Variants in CNOT11 observed in about 807,000 individuals in gnomAD.
CNOT11 encodes the protein UPF0760 protein C2orf29.
In CNOT11, 18 loss-of-function variants were observed where a neutral mutation model predicts 44.6. That is an observed-to-expected ratio of 0.40 (90% CI 0.28 to 0.60). The LOEUF is 0.60. Ranked by LOEUF, CNOT11 falls within the 20% of genes least tolerant of loss-of-function variation. CNOT11 has a pLI of 0.38. For missense variants in CNOT11, 513 were observed against 677.0 expected (o/e 0.76, Z 2.69); for synonymous variants, 291 against 270.9 (o/e 1.07, Z -0.73).
Position 101,269,655 on chromosome 2 carries a change from C to A in CNOT11, c.*242C>A, listed in dbSNP as rs1234361075. 2 of 347,200 alleles carry A rather than the reference C, an allele frequency of 5.8e-6. No homozygotes were observed. The highest frequency in any genetic ancestry group is 1.0e-5 in the Non-Finnish European group (2 of 194,824). The allele number at this position is 347,200 out of a possible 1,614,324, so 21.5% of individuals were successfully genotyped here. A position where few individuals can be genotyped will look rare whatever the true frequency, so the allele number is the denominator to read the frequency against. On this transcript the variant is annotated 3_prime_UTR_variant, in exon 7 of 7. Transcript: ENST00000289382. The surrounding 1 kb of genome is among the most constrained non-coding windows in gnomAD (Gnocchi z 4.8). ...CTATCCATAGGAGGAATGGCTATCC[C>A]AAAAAAAGTTCCGCAAAAAAGTAGA...
chr2:101,257,954 C>T lies in CNOT11; in HGVS notation c.678C>T (p.Ala226=), dbSNP rs754127343. 28 of 1,610,640 alleles carry T rather than the reference C, an allele frequency of 1.7e-5. No individual in the cohort carries two copies. Among genetic ancestry groups the T allele is most frequent in the South Asian group, 2.2e-5 (2 of 90,364 alleles). The change falls in exon 2 of 7, where the codon GCC becomes GCT. Residue 226 remains alanine (A), a splice_region_variant and synonymous_variant. Coordinates refer to ENST00000289382, the MANE Select transcript of CNOT11 (RefSeq NM_017546.5). ...VDISGLQLAL[A]ERQSELPTQS... is the part of the protein sequence containing the mutation. ...TTAGTGGGCTTCAGTTAGCCTTGGC[C>T]GGTAAGGAGGAATCAGTGTTTTGGG...
intron 3 of CNOT11, among the ~76,000 whole-genome samples, chr2:101,263,066 A>T (rs1030049237): frequency 6.6e-6 from 1 of 152,084 alleles, no homozygotes; most frequent in Non-Finnish European, 1.5e-5. Flanking sequence ...TACTAAAAAT[A>T]AAAAATTAGC....
intron 5 of CNOT11, among the ~76,000 whole-genome samples, chr2:101,267,458 T>C (rs150183391): frequency 2.4e-3 from 358 of 151,986 alleles, no homozygotes; most frequent in African/African-American, 8.3e-3. Context: ...TAGTCCTGTC[T>C]TCTTTATCCC....
At chr2:101,255,059 A>G (rs1681708368) in intron 1 of CNOT11, among the ~76,000 whole-genome samples, 2 of 152,206 alleles carry the variant, frequency 1.3e-5, no homozygotes, top group South Asian at 2.1e-4. Context: ...ATACACACAG[A>G]TTTGCCATAG....
At position 101,262,560 on chromosome 2, in the gene CNOT11, C is replaced by T. The variant is rs753989748; in HGVS notation, c.701C>T (p.Thr234Met). The T allele has an allele frequency of 6.8e-6, 11 of 1,614,028 alleles. No individual in the cohort carries two copies. The highest frequency in any genetic ancestry group is 2.2e-5 in the South Asian group (2 of 91,078). ...ALAERQSELP[T>M]QSKASFPSIL... ...CCAGAACGCCAATCTGAATTGCCAACGCAAAGCAAAGCGAGCTTCCCCAGT... is the reference window on the plus strand; with the variant it reads ...CCAGAACGCCAATCTGAATTGCCAATGCAAAGCAAAGCGAGCTTCCCCAGT... The change falls in exon 3 of 7, where the codon ACG becomes ATG. Residue 234 changes from threonine to methionine, a missense_variant. Around this residue, in one of 4 missense-constraint regions of CNOT11, gnomAD observed 140 missense variants for 169.8 expected, o/e 0.82. Coordinates refer to ENST00000289382, the MANE Select transcript of CNOT11 (RefSeq NM_017546.5).
chr2:101,260,947 G>A (rs1554777), intron 2 of CNOT11, among the ~76,000 whole-genome samples: 60,416 of 151,758 alleles, frequency 0.4, 12,493 homozygotes, highest in East Asian at 0.53. Flanking sequence ...CTAGTAAGTG[G>A]ATGAGAAAAG....
intron 1 of CNOT11, among the ~76,000 whole-genome samples, chr2:101,256,064 G>GGGAGGC (rs1453018560): frequency 6.6e-6 from 1 of 151,962 alleles, no homozygotes; most frequent in Non-Finnish European, 1.5e-5. Flanking sequence ...GCTTGAACCT[G>GGGAGGC]GGAGGCGGAG....
chr2:101,258,010 T>C, intron 2 of CNOT11, 55 bp downstream of exon 2: 1 of 1,484,002 alleles, frequency 6.7e-7, no homozygotes, highest in Admixed American at 2.0e-5. Flanking sequence ...AGGCCTCTCT[T>C]GTTGAGGACT....
chr2:101,262,383 A>G (rs1681885282), intron 2 of CNOT11, 156 bp from the exon 3 acceptor site: 2 of 607,686 alleles, frequency 3.3e-6, no homozygotes, highest in African/African-American at 1.8e-5. Flanking sequence ...ACGCTAAGTG[A>G]GGACCTGCTA....
chr2:101,261,241 C>A (rs917789790), intron 2 of CNOT11, among the ~76,000 whole-genome samples: 13 of 152,292 alleles, frequency 8.5e-5, no homozygotes, highest in Middle Eastern at 3.4e-3. Context: ...TTGTGATAAT[C>A]ATCCTCAATT....
In CNOT11 at chr2:101,262,354, T is replaced by G. The variant is rs1160613830; in HGVS notation, c.680-185T>G. On this transcript the variant is annotated intron_variant, in intron 2 of 6. Coordinates refer to ENST00000289382, the MANE Select transcript of CNOT11 (RefSeq NM_017546.5). ...ACACGTCACTTCACTTAGTGGCAGA[T>G]TCCAAGAACCTTTCAACAACGCTAA... The G allele has an allele frequency of 9.3e-6, 5 of 534,852 alleles. No individual in the cohort carries two copies. The African/African-American group carries it at 9.4e-5, about 10-fold the overall frequency. The allele number at this position is 534,852 out of a possible 1,614,324, so 33.1% of individuals were successfully genotyped here.
chr2:101,259,742 C>T lies in CNOT11; in HGVS notation c.679+1787C>T, dbSNP rs550315568. 2.0e-5 allele frequency among the ~76,000 whole-genome samples: 3 copies of T among 152,180 alleles called. No individual in the cohort carries two copies. The South Asian group carries it at 6.2e-4, about 32-fold the overall frequency. Reference sequence around the variant, plus strand: ...GAACCTTTAAACTATTGGGTATTAACAATATAACAATGGGGCCAGGCACAA... The same window carrying T: ...GAACCTTTAAACTATTGGGTATTAATAATATAACAATGGGGCCAGGCACAA... On this transcript the variant is annotated intron_variant, in intron 2 of 6. Coordinates refer to ENST00000289382, the MANE Select transcript of CNOT11 (RefSeq NM_017546.5).
Position 101,267,053 on chromosome 2 carries a change from T to C in CNOT11, c.1238+174T>C, listed in dbSNP as rs147692947. 6.3e-3 allele frequency among the ~76,000 whole-genome samples: 956 copies of C among 152,330 alleles called. 4 individuals are homozygous for C. The highest frequency in any genetic ancestry group is 0.022 in the African/African-American group (913 of 41,566). ...AAATTTAGCATGCGTTAATAAGAACTGAGGGTAGGATTTCAAACATATTTA... is the reference window on the plus strand; with the variant it reads ...AAATTTAGCATGCGTTAATAAGAACCGAGGGTAGGATTTCAAACATATTTA... On this transcript the variant is annotated intron_variant, in intron 5 of 6. Transcript: ENST00000289382.
chr2:101,268,940 T>C, intron 5 of CNOT11, 100 bp from the exon 6 acceptor site: 1 of 712,122 alleles, frequency 1.4e-6, no homozygotes. Context: ...GTCAGAAAAT[T>C]CCACCAGATG....
intron 4 of CNOT11, 102 bp downstream of exon 4, chr2:101,265,149 G>A (rs1454971546): frequency 2.8e-6 from 2 of 719,986 alleles, no homozygotes; most frequent in Non-Finnish European, 4.2e-6. Context: ...TGCCCAGGGT[G>A]GAGTGCAGTG....
intron 5 of CNOT11, among the ~76,000 whole-genome samples, 156 bp downstream of exon 5, chr2:101,267,035 G>C (rs937422835): frequency 1.3e-5 from 2 of 152,184 alleles, no homozygotes; most frequent in African/African-American, 4.8e-5. Flanking sequence ...TGTAAATTTA[G>C]CATGCGTTAA....
rs751211011 is a variant in CNOT11, at chr2:101,253,188, T to C, written c.224T>C (p.Ile75Thr). Residue 75 changes from isoleucine to threonine, a missense_variant, in exon 1 of 7, where the codon ATA (isoleucine) becomes ACA (threonine). Ile to Thr is a moderately conservative substitution (Grantham distance 89). Transcript: ENST00000289382. The surrounding 1 kb of genome is among the most constrained non-coding windows in gnomAD (Gnocchi z 4.3). ...GAGCTCTCGAGCCTGCTGAGCATCATATCGGAGGAGGCGGGCGGCGGCAGC... is the reference window on the plus strand; with the variant it reads ...GAGCTCTCGAGCCTGCTGAGCATCACATCGGAGGAGGCGGGCGGCGGCAGC... ...PKELSSLLSI[I>T]SEEAGGGSTF... The C allele has an allele frequency of 7.5e-6, 12 of 1,604,990 alleles. No individual in the cohort carries two copies. The East Asian group carries it at 2.7e-4, about 36-fold the overall frequency.
intron 2 of CNOT11, among the ~76,000 whole-genome samples, chr2:101,260,305 A>G (rs1435088063): frequency 2.0e-5 from 3 of 151,964 alleles, no homozygotes; most frequent in Non-Finnish European, 4.4e-5. Flanking sequence ...TAGTATTTAA[A>G]TAGTAATTTT....
chr2:101,258,164 T>G (rs1171227697), intron 2 of CNOT11, among the ~76,000 whole-genome samples: 5 of 151,888 alleles, frequency 3.3e-5, no homozygotes, highest in Non-Finnish European at 5.9e-5. Context: ...GAGGCTGAGG[T>G]GGGCAGATCA....
Sources: allele counts gnomAD v4.1 joint callset (sites outside exome capture counted in the v4.1 genomes callset), GRCh38; gene constraint gnomAD v4.1.1; regional missense constraint gnomAD v4.1.1; non-coding constraint Gnocchi (gnomAD v3.1); transcripts MANE v1.5; gene names NCBI Gene and HGNC (gene_info 2026-07-23, HGNC 2026-07-21).